The following TULP3 variants were observed in gnomAD, a reference collection of about 807,000 sequenced individuals.
The protein encoded by TULP3 is TUB like protein 3, also known as tubby-related protein 3.
TULP3 carries 38 observed loss-of-function variants against 50.7 expected under a neutral mutation model. The ratio of observed to expected loss-of-function variants is 0.75; its 90% CI spans 0.58 to 0.98. The LOEUF (loss-of-function observed/expected upper bound fraction) is 0.98. Among genes scored for constraint, TULP3 ranks in the 50% least tolerant of loss-of-function variants. TULP3 has a pLI of 0.00. For missense variants in TULP3, 550 were observed against 568.0 expected, an observed-to-expected ratio of 0.97 and a Z score of 0.32; for synonymous variants, 183 against 196.6, an observed-to-expected ratio of 0.93 and a Z score of 0.58.
Position 2,939,534 on chromosome 12 carries a change from A to G in TULP3, c.*90A>G. On this transcript the variant is annotated 3_prime_UTR_variant, in exon 11 of 11. Transcript: ENST00000448120. The surrounding 1 kb of genome is among the most constrained non-coding windows in gnomAD (Gnocchi z 4.0). ...TTCCCCTCCCTGCCCCAGGACTTAA[A>G]GAGCAATAGTTTGCCCCTTTTGGAA... The G allele has an allele frequency of 2.6e-6, 4 of 1,556,794 alleles. No individual in the cohort carries two copies. Among genetic ancestry groups the G allele is most frequent in the Non-Finnish European group, 3.5e-6 (4 of 1,157,230 alleles).
At chr12:2,933,605 T>G in intron 7 of TULP3, 75 bp downstream of exon 7, 1 of 895,328 alleles carries the variant, frequency 1.1e-6, no homozygotes, top group Non-Finnish European at 1.8e-6. Flanking sequence ...AGTCCTTATC[T>G]TGGTTACAAC....
rs748970225 is a variant in TULP3, at chr12:2,940,441, T to A, written c.*997T>A. 18 of 1,477,008 alleles carry A rather than the reference T, an allele frequency of 1.2e-5. No individual in the cohort carries two copies. The highest frequency in any genetic ancestry group is 1.5e-5 in the Non-Finnish European group (17 of 1,112,388). The allele number at this position is 1,477,008 out of a possible 1,614,324, so 91.5% of individuals were successfully genotyped here. A position where few individuals can be genotyped will look rare whatever the true frequency, so the allele number is the denominator to read the frequency against. ...TCTTCTCGGCTCCCTCAACCCTGGC[T>A]CAGGCACAGAAGGTGTTTTGCTACG... On this transcript the variant is annotated 3_prime_UTR_variant, in exon 11 of 11. Transcript: ENST00000448120.
Position 2,931,217 on chromosome 12 carries a change from T to G in TULP3, c.673T>G (p.Leu225Val). 6.2e-7 allele frequency: 1 copy of G among 1,613,744 alleles called. No homozygotes were observed. Among genetic ancestry groups the G allele is most frequent in the South Asian group, 1.1e-5 (1 of 90,972 alleles). ...TCTCTTCCCCACCTACTATATGTAC[T>G]TGGAAAAAGAAGAAAATCAGAAGGT... Reference protein sequence around the residue: ...RGLFPTYYMYLEKEENQKIFL... With the variant: ...RGLFPTYYMYVEKEENQKIFL... The change falls in exon 6 of 11, where the codon TTG (leucine) becomes GTG (valine). Residue 225 changes from leucine (L) to valine (V), a missense_variant. Physicochemically the swap from Leu to Val is conservative, Grantham distance 32 (BLOSUM62 1). Transcript: ENST00000448120.
chr12:2,899,143 A>G (rs1367179724), intron 1 of TULP3, among the ~76,000 whole-genome samples: 1 of 151,856 alleles, frequency 6.6e-6, no homozygotes, highest in Non-Finnish European at 1.5e-5. Flanking sequence ...GTCAGGAGTT[A>G]GAGACCAGCC....
At chr12:2,930,196 G>T (rs922052380) in intron 4 of TULP3, 52 bp from the exon 5 acceptor site, 4 of 1,239,480 alleles carry the variant, frequency 3.2e-6, no homozygotes, top group Admixed American at 2.2e-5. Context: ...TTGTTTCAAA[G>T]ACCTTTTTTA....
At chr12:2,912,748 A>G (rs1244417268) in intron 2 of TULP3, among the ~76,000 whole-genome samples, 1 of 152,200 alleles carries the variant, frequency 6.6e-6, no homozygotes, top group East Asian at 1.9e-4. Context: ...ATCTGTGGGA[A>G]GTTTGCGATC....
chr12:2,940,925 C>T lies in TULP3; in HGVS notation c.*1481C>T. Reference sequence around the variant, plus strand: ...CCTGAGGCACTGCCTGGCAGATAACCCTGGTTGGCCACAGAAGCTATTAAT... The same window carrying T: ...CCTGAGGCACTGCCTGGCAGATAACTCTGGTTGGCCACAGAAGCTATTAAT... On this transcript the variant is annotated 3_prime_UTR_variant, in exon 11 of 11. Transcript: ENST00000448120. 2 of 573,706 alleles carry T rather than the reference C, an allele frequency of 3.5e-6. No homozygotes were observed. Among genetic ancestry groups the T allele is most frequent in the East Asian group, 3.0e-5 (1 of 33,844 alleles). The allele number at this position is 573,706 out of a possible 1,614,324, so 35.5% of individuals were successfully genotyped here.
intron 1 of TULP3, among the ~76,000 whole-genome samples, chr12:2,903,788 TG>T (rs1376418246): frequency 7.2e-5 from 11 of 152,044 alleles, no homozygotes; most frequent in East Asian, 1.9e-4. Flanking sequence ...TTTGTTTGTT[TG>T]TTTGTTTTGA....
At chr12:2,900,794 C>T (rs767794803) in intron 1 of TULP3, among the ~76,000 whole-genome samples, 1 of 151,186 alleles carries the variant, frequency 6.6e-6, no homozygotes, top group Non-Finnish European at 1.5e-5. Flanking sequence ...GACGATAGCT[C>T]AACCTCCTGG....
intron 4 of TULP3, among the ~76,000 whole-genome samples, chr12:2,925,525 C>T (rs2098194217): frequency 6.6e-6 from 1 of 152,128 alleles, no homozygotes; most frequent in Non-Finnish European, 1.5e-5. Flanking sequence ...TGGAGCCTGA[C>T]ATTGTGAGTG....
At chr12:2,922,668 CTTTT>C (rs2098192451) in intron 4 of TULP3, among the ~76,000 whole-genome samples, 1 of 152,094 alleles carries the variant, frequency 6.6e-6, no homozygotes, top group African/African-American at 2.4e-5. Flanking sequence ...CTGTTTGTTT[CTTTT>C]TGACTATTTT....
intron 2 of TULP3, among the ~76,000 whole-genome samples, chr12:2,919,343 A>G (rs1035724270): frequency 2.0e-5 from 3 of 152,262 alleles, no homozygotes; most frequent in South Asian, 4.1e-4. Context: ...TCTAACACCT[A>G]TTCATTCTTG....
chr12:2,895,396 AACATTTCTCC>A, intron 1 of TULP3, among the ~76,000 whole-genome samples: 1 of 152,224 alleles, frequency 6.6e-6, no homozygotes, highest in East Asian at 1.9e-4. Flanking sequence ...TTAGAATACT[AACATTTCTCC>A]CTAGATGAGG....
At chr12:2,928,558 G>T (rs981145021) in intron 4 of TULP3, among the ~76,000 whole-genome samples, 4 of 151,832 alleles carry the variant, frequency 2.6e-5, no homozygotes, top group Non-Finnish European at 2.9e-5. Context: ...AAAATAAAAA[G>T]AAAATGCTGA....
chr12:2,919,873 A>G (rs1591531585), intron 2 of TULP3, among the ~76,000 whole-genome samples: 1 of 151,572 alleles, frequency 6.6e-6, no homozygotes, highest in Non-Finnish European at 1.5e-5. Flanking sequence ...TCCAACTGCC[A>G]TTTTTTTCTT....
At chr12:2,933,655 AG>A (rs1422515094) in intron 7 of TULP3, 125 bp downstream of exon 7, 13 of 547,926 alleles carry the variant, frequency 2.4e-5, no homozygotes, top group Admixed American at 3.9e-5. Context: ...AAAAAGAAAA[AG>A]GAAAAAAAAA....
intron 7 of TULP3, among the ~76,000 whole-genome samples, chr12:2,934,095 A>G (rs761441921): frequency 6.6e-6 from 1 of 152,118 alleles, no homozygotes; most frequent in Non-Finnish European, 1.5e-5. Flanking sequence ...AAAAAACTTT[A>G]AAATTAGCCA....
chr12:2,919,316 A>G (rs138453778), intron 2 of TULP3, among the ~76,000 whole-genome samples: 1 of 152,282 alleles, frequency 6.6e-6, no homozygotes, highest in East Asian at 1.9e-4. Context: ...ATAATCTCCA[A>G]ACAACTTAGT....
chr12:2,923,023 T>C (rs2098192685), intron 4 of TULP3, among the ~76,000 whole-genome samples: 1 of 151,774 alleles, frequency 6.6e-6, no homozygotes, highest in Non-Finnish European at 1.5e-5. Context: ...CTGGCTAATT[T>C]TTTGTATTTT....
Sources: allele counts gnomAD v4.1 joint callset (sites outside exome capture counted in the v4.1 genomes callset), GRCh38; gene constraint gnomAD v4.1.1; non-coding constraint Gnocchi (gnomAD v3.1); transcripts MANE v1.5; gene names NCBI Gene and HGNC (gene_info 2026-07-23, HGNC 2026-07-21).